The following ZNF676 variants were observed in gnomAD, a reference collection of about 807,000 sequenced individuals.
The protein encoded by ZNF676 is zinc finger protein 676.
Under a neutral mutation model 6.0 loss-of-function variants are expected in ZNF676, and 4 were observed. The ratio of observed to expected loss-of-function variants is 0.67; its 90% CI spans 0.33 to 1.53. ZNF676 has a LOEUF of 1.53. Among genes scored for constraint, ZNF676 ranks in the 40% most tolerant of loss-of-function variants. ZNF676 has a pLI of 0.06. For synonymous variants in ZNF676, 198 were observed against 223.1 expected (o/e 0.89, Z 1.00); for missense variants, 644 against 679.7 (o/e 0.95, Z 0.58).
the ZNF676 span, among the ~76,000 whole-genome samples, chr19:22,223,034 T>TA: frequency 1.3e-5 from 2 of 152,146 alleles, no homozygotes; most frequent in African/African-American, 4.8e-5. Flanking sequence ...ACTAAAACAT[T>TA]AAACTGTATG....
the ZNF676 span, among the ~76,000 whole-genome samples, chr19:22,248,603 T>C: frequency 1.3e-5 from 2 of 152,234 alleles, no homozygotes; most frequent in Non-Finnish European, 2.9e-5. Flanking sequence ...GGTGGGTCTT[T>C]CACTGGCGTC....
At chr19:22,235,164 G>GAA in the ZNF676 span, among the ~76,000 whole-genome samples, 2 of 151,106 alleles carry the variant, frequency 1.3e-5, no homozygotes, top group Non-Finnish European at 1.5e-5. Flanking sequence ...AAGAAAGAAA[G>GAA]AAAAAAACTC....
rs973300860 is a variant in ZNF676, at chr19:22,186,211, T to TG, written c.131-4626dup. Among the ~76,000 whole-genome samples the TG allele has an allele frequency of 7.2e-5, 11 of 152,196 alleles. No individual in the cohort carries two copies. In the South Asian group the frequency reaches 8.3e-4, roughly 11 times the overall value. On this transcript the variant is annotated intron_variant, in intron 2 of 2. Coordinates refer to ENST00000397121, the MANE Select transcript of ZNF676 (RefSeq NM_001001411.3). Reference sequence around the variant, plus strand: ...GCAGAAACCCTACAAGCCAGAAGACTGGGGGGCCAATATTCAACATTCTTA... The same window carrying TG: ...GCAGAAACCCTACAAGCCAGAAGACTGGGGGGGCCAATATTCAACATTCTTA...
chr19:22,230,279 A>C, the ZNF676 span, among the ~76,000 whole-genome samples: 1 of 152,176 alleles, frequency 6.6e-6, no homozygotes, highest in Non-Finnish European at 1.5e-5. Flanking sequence ...GTTCTCACTC[A>C]TAAGTGGGAG....
chr19:22,240,570 G>T, the ZNF676 span, among the ~76,000 whole-genome samples: 1 of 151,886 alleles, frequency 6.6e-6, no homozygotes, highest in Non-Finnish European at 1.5e-5. Context: ...GAGGAGGGTG[G>T]ATCACCTGAG....
chr19:22,225,873 C>T, the ZNF676 span, among the ~76,000 whole-genome samples: 1 of 152,134 alleles, frequency 6.6e-6, no homozygotes, highest in Middle Eastern at 3.4e-3. Context: ...CAAATATTTT[C>T]ATTGATTTCC....
At chr19:22,192,467 G>A (rs758821090) in intron 2 of ZNF676, among the ~76,000 whole-genome samples, 13 of 151,954 alleles carry the variant, frequency 8.6e-5, no homozygotes, top group Non-Finnish European at 1.6e-4. Flanking sequence ...TTTACATGAA[G>A]CTACAAGAAA....
At chr19:22,193,134 C>T (rs1248218020) in intron 1 of ZNF676, 23 bp from the exon 2 acceptor site, 2 of 1,578,162 alleles carry the variant, frequency 1.3e-6, no homozygotes, top group Non-Finnish European at 1.7e-6. Context: ...AAATGAACAA[C>T]ATCCATCTTG....
At chr19:22,224,452 G>T in the ZNF676 span, among the ~76,000 whole-genome samples, 1 of 151,992 alleles carries the variant, frequency 6.6e-6, no homozygotes, top group Non-Finnish European at 1.5e-5. Flanking sequence ...GGCTTATCTT[G>T]TATATATTCT....
In ZNF676 at chr19:22,180,046, T is replaced by C. The variant is rs760382454; in HGVS notation, c.1671A>G (p.Gly557=). The C allele has an allele frequency of 4.3e-6, 7 of 1,613,940 alleles. No homozygotes were observed. Among genetic ancestry groups the C allele is most frequent in the Admixed American group, 3.3e-5 (2 of 60,024 alleles). ...ATTCTTCACATTTGTAGGGTTTCTCTCCAGTATGAATTCTCTTGTGTCTAG... is the reference window on the plus strand; with the variant it reads ...ATTCTTCACATTTGTAGGGTTTCTCCCCAGTATGAATTCTCTTGTGTCTAG... The part of the protein sequence containing the change: ...SLTRHKRIHT[G]EKPYKCEECG... Residue 557 remains glycine, a synonymous_variant, in exon 3 of 3, where the codon GGA becomes GGG. Transcript: ENST00000397121.
At chr19:22,199,634 C>T (rs2024004220), upstream of ZNF676, among the ~76,000 whole-genome samples, 1 of 152,144 alleles carries the variant, frequency 6.6e-6, no homozygotes, top group East Asian at 1.9e-4. Context: ...TCAAAAAATG[C>T]ATAGAATAAA....
chr19:22,249,360 G>A, the ZNF676 span, among the ~76,000 whole-genome samples: 6 of 152,258 alleles, frequency 3.9e-5, no homozygotes, highest in East Asian at 1.9e-4. Context: ...AAAAAATTCT[G>A]TGTGTGAACA....
chr19:22,245,057 T>C, the ZNF676 span: 1 of 152,082 alleles, frequency 6.6e-6, no homozygotes, highest in Non-Finnish European at 1.5e-5. Flanking sequence ...CTCTTAGGTG[T>C]GGAACAGTGG....
At chr19:22,243,800 T>G in the ZNF676 span, 30 of 152,256 alleles carry the variant, frequency 2.0e-4, no homozygotes, top group African/African-American at 7.2e-4. Flanking sequence ...CCACCTTAAT[T>G]GTGGCCAAAT....
In ZNF676 at chr19:22,180,581, G is replaced by T; in HGVS notation, c.1136C>A (p.Thr379Asn). ...GCGKAFSKVS[T>N]LNTHKAIHAE... ...ATGAATTGCCTTATGTGTATTAAGGGTTGAGACCTTACTAAAGGCTTTGCC... is the reference window on the plus strand; with the variant it reads ...ATGAATTGCCTTATGTGTATTAAGGTTTGAGACCTTACTAAAGGCTTTGCC... The change falls in exon 3 of 3, where the codon ACC becomes AAC. Residue 379 changes from threonine to asparagine, a missense_variant. By Grantham distance (65) the Thr-to-Asn change is moderately conservative. Transcript: ENST00000397121. 6.2e-7 allele frequency: 1 copy of T among 1,606,332 alleles called. No homozygotes were observed. The highest frequency in any genetic ancestry group is 1.7e-5 in the Admixed American group (1 of 59,266).
At chr19:22,221,546 T>C in the ZNF676 span, among the ~76,000 whole-genome samples, 1 of 151,802 alleles carries the variant, frequency 6.6e-6, no homozygotes, top group Non-Finnish European at 1.5e-5. Flanking sequence ...AGGTCAGGAG[T>C]TCAAAACCAG....
upstream of ZNF676, among the ~76,000 whole-genome samples, chr19:22,201,879 A>G (rs542435683): frequency 6.6e-6 from 1 of 152,148 alleles, no homozygotes; most frequent in South Asian, 2.1e-4. Flanking sequence ...TAGTGTCCAG[A>G]GTGGAATTAT....
intron 1 of ZNF676, among the ~76,000 whole-genome samples, chr19:22,201,979 C>G (rs1177106222): frequency 2.0e-5 from 3 of 152,088 alleles, no homozygotes; most frequent in Non-Finnish European, 4.4e-5. Context: ...CATAACTGTG[C>G]TCATTTTAAT....
intron 1 of ZNF676, among the ~76,000 whole-genome samples, chr19:22,211,027 C>T (rs1202776391): frequency 6.6e-6 from 1 of 151,620 alleles, no homozygotes; most frequent in Non-Finnish European, 1.5e-5. Context: ...CCTTTTCTAC[C>T]TAATCTTTAT....
Sources: gnomAD v4.1 joint callset for allele counts (sites outside exome capture counted in the v4.1 genomes callset) on GRCh38, gnomAD v4.1.1 for gene constraint, MANE v1.5 for transcripts, NCBI Gene and HGNC (gene_info 2026-07-23, HGNC 2026-07-21) for gene names.